Variants in TTN observed in about 807,000 individuals in gnomAD.
The protein encoded by TTN is connectin.
In TTN, 1,525 loss-of-function variants were observed where a neutral mutation model predicts 3,223.0. The ratio of observed to expected loss-of-function variants is 0.47; its 90% confidence interval spans 0.45 to 0.49. The LOEUF (loss-of-function observed/expected upper bound fraction) is 0.49. TTN is among the 20% of genes least tolerant of loss of function. The pLI, the probability that TTN is intolerant of heterozygous loss-of-function variation, is 0.00. For missense variants in TTN, 40,786 were observed against 43,424.0 expected (o/e 0.94, Z 5.40); for synonymous variants, 14,094 against 15,161.0 (o/e 0.93, Z 5.17).
Position 178,665,365 on chromosome 2 carries a change from G to C in TTN, c.36043+12C>G. 4 of 1,610,374 alleles carry C rather than the reference G, an allele frequency of 2.5e-6. No homozygotes were observed. Among genetic ancestry groups the C allele is most frequent in the Non-Finnish European group, 3.4e-6 (4 of 1,177,756 alleles). On this transcript the variant is annotated intron_variant, in intron 165 of 362. Coordinates refer to ENST00000589042, the MANE Select transcript of TTN (RefSeq NM_001267550.2). ...TAATTTCTTCTTCCACATTTGTTCA[G>C]AGGTAACGTACTTTTCATACGTGGA...
Position 178,775,013 on chromosome 2 carries a change from A to G in TTN, c.6698T>C (p.Ile2233Thr), listed in dbSNP as rs1364650008. The G allele has an allele frequency of 1.9e-6, 3 of 1,614,040 alleles. No individual in the cohort carries two copies. The South Asian group carries it at 3.3e-5, about 18-fold the overall frequency. The change falls in exon 29 of 363, where the codon ATA becomes ACA. Residue 2233 changes from isoleucine to threonine, a missense_variant. Ile to Thr is a moderately conservative substitution (Grantham distance 89). Transcript: ENST00000589042. ...AGCATCAGACGTATCAATGGTCAGT[A>G]TGGAGAGGAAGTGAACCTTTCTGTC... ...HSDRKVHFLS[I>T]LTIDTSDAED...
intron 214 of TTN, 104 bp downstream of exon 214, chr2:178,647,277 A>G (rs1001694377): frequency 9.5e-6 from 13 of 1,363,394 alleles, no homozygotes; most frequent in East Asian, 2.5e-5. Flanking sequence ...CCAAATATCA[A>G]TAACTTCAAT....
At position 178,574,773 on chromosome 2, in the gene TTN, T is replaced by C; in HGVS notation, c.71359A>G (p.Lys23787Glu). 4.3e-6 allele frequency: 7 copies of C among 1,612,282 alleles called. No homozygotes were observed. Among genetic ancestry groups the C allele is most frequent in the Non-Finnish European group, 5.9e-6 (7 of 1,178,942 alleles). The stretch of plus-strand genomic sequence containing the variant: ...AATCCAGTAGTAAGGCGGGTGGCTT[T>C]ATAGGTAGTACGTATAACGGTGGTT... ...LATTVIRTTY[K>E]ATRLTTGLEY... Residue 23787 changes from lysine to glutamate, a missense_variant, in exon 326 of 363, where the codon AAA becomes GAA. Lys to Glu is a moderately conservative substitution (Grantham distance 56, BLOSUM62 1). Transcript: ENST00000589042.
chr2:178,777,360 T>C, intron 26 of TTN, 43 bp from the exon 27 acceptor site: 1 of 1,613,132 alleles, frequency 6.2e-7, no homozygotes, highest in Non-Finnish European at 8.5e-7. Flanking sequence ...AAGGCTGAAA[T>C]ACCTGTTTAT....
At chr2:178,675,456 T>C (rs925382621) in intron 149 of TTN, among the ~76,000 whole-genome samples, 1 of 151,802 alleles carries the variant, frequency 6.6e-6, no homozygotes, top group Non-Finnish European at 1.5e-5. Context: ...ATATTTTTAT[T>C]TTTTAGAAAC....
intron 326 of TTN, 87 bp downstream of exon 326, chr2:178,559,224 G>A: frequency 1.6e-6 from 2 of 1,271,994 alleles, no homozygotes; most frequent in Non-Finnish European, 2.2e-6. Flanking sequence ...AAGCATTTAA[G>A]ATGAAATAAC....
intron 261 of TTN, 34 bp downstream of exon 261, chr2:178,614,432 G>A: frequency 6.3e-7 from 1 of 1,584,424 alleles, no homozygotes; most frequent in South Asian, 1.2e-5. Context: ...ACTGCAAAGA[G>A]TTTATCCCCT....
chr2:178,704,151 G>T lies in TTN; in HGVS notation c.30219C>A (p.Ile10073=), dbSNP rs369709449. Reference sequence around the variant, plus strand: ...ACTCCATAGTGTTTCACGCACCTTCGATTCTGAGTTCTGCTGAAGTTTCAA... The same window carrying T: ...ACTCCATAGTGTTTCACGCACCTTCTATTCTGAGTTCTGCTGAAGTTTCAA... ...EDLETSAELR[I]EAEPIQFTKR... Residue 10073 remains isoleucine, a synonymous_variant, in exon 106 of 363, where the codon ATC becomes ATA. Coordinates refer to ENST00000589042, the MANE Select transcript of TTN (RefSeq NM_001267550.2). 1.2e-6 allele frequency: 2 copies of T among 1,613,546 alleles called. No homozygotes were observed. The highest frequency in any genetic ancestry group is 1.7e-6 in the Non-Finnish European group (2 of 1,179,794).
chr2:178,535,267 T>C lies in TTN; in HGVS notation c.101348A>G (p.Lys33783Arg). The C allele has an allele frequency of 6.2e-7, 1 of 1,613,914 alleles. No individual in the cohort carries two copies. Among genetic ancestry groups the C allele is most frequent in the Non-Finnish European group, 8.5e-7 (1 of 1,179,842 alleles). The change falls in exon 358 of 363, where the codon AAA (lysine) becomes AGA (arginine). Residue 33783 changes from lysine to arginine, a missense_variant. Lys to Arg is a conservative substitution (Grantham distance 26). Coordinates refer to ENST00000589042, the MANE Select transcript of TTN (RefSeq NM_001267550.2). ...GTTCATAGCTCTGGTCTTATCTTCT[T>C]TGGTTATGGTTGGTTCTGAAGGCTC... ...PSEPSEPTIT[K>R]EDKTRAMNYD...
intron 210 of TTN, 94 bp from the exon 211 acceptor site, chr2:178,649,988 T>C: frequency 7.0e-7 from 1 of 1,431,692 alleles, no homozygotes. Flanking sequence ...TTTCTTGGTA[T>C]ATGTGGGACC....
At position 178,571,235 on chromosome 2, in the gene TTN, G is replaced by T; in HGVS notation, c.74897C>A (p.Thr24966Asn). The part of the protein sequence containing the change: ...VKLNKTPIPQ[T>N]KFKTTGLEEG... ...TTCAAGGCCAGTTGTCTTAAACTTG[G>T]TTTGAGGAATAGGTGTTTTATTCAA... Residue 24966 changes from threonine to asparagine, a missense_variant, in exon 326 of 363, where the codon ACC (threonine) becomes AAC (asparagine). Coordinates refer to ENST00000589042, the MANE Select transcript of TTN (RefSeq NM_001267550.2). The T allele has an allele frequency of 6.2e-7, 1 of 1,613,504 alleles. No homozygotes were observed. Among genetic ancestry groups the T allele is most frequent in the Non-Finnish European group, 8.5e-7 (1 of 1,179,626 alleles).
At chr2:178,640,404 G>A in intron 221 of TTN, 137 bp downstream of exon 221, 1 of 811,238 alleles carries the variant, frequency 1.2e-6, no homozygotes, top group Non-Finnish European at 1.9e-6. Context: ...AGGAGAGTGA[G>A]ATGGTAAAGA....
At chr2:178,683,778 A>T (rs1034217063) in intron 133 of TTN, among the ~76,000 whole-genome samples, 1 of 152,046 alleles carries the variant, frequency 6.6e-6, no homozygotes, top group Non-Finnish European at 1.5e-5. Context: ...AGATTAAGGA[A>T]AATTATTCAC....
At chr2:178,805,291 C>G (rs1276891911) in intron 1 of TTN, among the ~76,000 whole-genome samples, 2 of 130,066 alleles carry the variant, frequency 1.5e-5, no homozygotes, top group Non-Finnish European at 3.1e-5. Context: ...TTGCAGTGAG[C>G]AAAGATGGTG....
chr2:178,605,340 TG>T (rs776090248), intron 279 of TTN, 45 bp from the exon 280 acceptor site: 141 of 1,533,230 alleles, frequency 9.2e-5, no homozygotes, highest in Middle Eastern at 7.1e-4. Flanking sequence ...GTCATAAGGA[TG>T]TTTTTTTCAA....
chr2:178,528,777 G>A lies in TTN; in HGVS notation c.106974C>T (p.Ser35658=), dbSNP rs761795663. The part of the protein sequence containing the change: ...SEEYRYGVSG[S]DQTLTIKQAS... The stretch of plus-strand genomic sequence containing the variant: ...CTTGCTTGATGGTTAGGGTCTGATC[G>A]CTGCCTGAGACACCATATCGGTACT... Residue 35658 remains serine, a synonymous_variant, in exon 360 of 363, where the codon AGC becomes AGT. Transcript: ENST00000589042. 121 of 1,612,264 alleles carry A rather than the reference G, an allele frequency of 7.5e-5. 1 individual carries two copies. The highest frequency in any genetic ancestry group is 1.3e-4 in the Admixed American group (8 of 59,922).
In TTN at chr2:178,575,966, G is replaced by C. The variant is rs1194442496; in HGVS notation, c.70166C>G (p.Ala23389Gly). The change falls in exon 326 of 363, where the codon GCC (alanine) becomes GGC (glycine). Residue 23389 changes from alanine (A) to glycine (G), a missense_variant. By Grantham distance (60) the Ala-to-Gly change is moderately conservative. Coordinates refer to ENST00000589042, the MANE Select transcript of TTN (RefSeq NM_001267550.2). This position sits in a 1 kb window ranked among gnomAD's most constrained non-coding sequence, Gnocchi z 4.0. Reference sequence around the variant, plus strand: ...AAATGATTCCGTATTTTCAATGTTGGCTCGGTTTTTCAGGTTGATGTTATC... The same window carrying C: ...AAATGATTCCGTATTTTCAATGTTGCCTCGGTTTTTCAGGTTGATGTTATC... ...TKDNINLKNR[A>G]NIENTESFTL... The C allele has an allele frequency of 1.2e-6, 2 of 1,611,260 alleles. No individual in the cohort carries two copies. Among genetic ancestry groups the C allele is most frequent in the African/African-American group, 1.3e-5 (1 of 74,840 alleles).
In TTN at chr2:178,775,579, T is replaced by C; in HGVS notation, c.6285A>G (p.Ala2095=). 1.2e-6 allele frequency: 2 copies of C among 1,614,100 alleles called. No homozygotes were observed. Among genetic ancestry groups the C allele is most frequent in the South Asian group, 2.2e-5 (2 of 91,086 alleles). ...QSQTVGQGSD[A]HFRVRVVGKP... is the part of the protein sequence containing the mutation. ...TCCCCACGACTCTGACCCGGAAGTGTGCATCAGATCCTTGGCCCACTGTTT... is the reference window on the plus strand; with the variant it reads ...TCCCCACGACTCTGACCCGGAAGTGCGCATCAGATCCTTGGCCCACTGTTT... The change falls in exon 28 of 363, where the codon GCA becomes GCG. Residue 2095 remains alanine, a synonymous_variant. Transcript: ENST00000589042.
At chr2:178,685,031 T>C (rs752794608) in intron 129 of TTN, 42 bp from the exon 130 acceptor site, 1 of 1,484,658 alleles carries the variant, frequency 6.7e-7, no homozygotes, top group Admixed American at 1.9e-5. Context: ...TTGCCTTACA[T>C]ATGAAGTGAC....
Sources: gnomAD v4.1 joint callset for allele counts (sites outside exome capture counted in the v4.1 genomes callset) on GRCh38, gnomAD v4.1.1 for gene constraint, Gnocchi (gnomAD v3.1) non-coding constraint, MANE v1.5 for transcripts, NCBI Gene and HGNC (gene_info 2026-07-23, HGNC 2026-07-21) for gene names.